The following PTBP3 variants were observed in gnomAD, a reference collection of about 807,000 sequenced individuals.
PTBP3 encodes polypyrimidine tract-binding protein 3.
Under a neutral mutation model 58.7 loss-of-function variants are expected in PTBP3, and 20 were observed. The ratio of observed to expected loss-of-function variants is 0.34; its 90% confidence interval spans 0.24 to 0.50. PTBP3 has a LOEUF of 0.50. Ranked by LOEUF, PTBP3 falls within the 20% of genes least tolerant of loss-of-function variation. PTBP3 has a pLI of 0.98. For missense variants in PTBP3, 509 were observed against 637.2 expected, an observed-to-expected ratio of 0.80 and a Z score of 2.17; for synonymous variants, 185 against 219.8, an observed-to-expected ratio of 0.84 and a Z score of 1.40.
chr9:112,254,015 A>G (rs935166866), intron 5 of PTBP3, among the ~76,000 whole-genome samples: 1 of 152,204 alleles, frequency 6.6e-6, no homozygotes, highest in Non-Finnish European at 1.5e-5. Flanking sequence ...AGTATTCCCT[A>G]TGCTGGTAAG....
intron 1 of PTBP3, among the ~76,000 whole-genome samples, chr9:112,312,270 G>A (rs1006729470): frequency 2.0e-5 from 3 of 151,916 alleles, no homozygotes; most frequent in African/African-American, 7.3e-5. Context: ...ATCACTTAAG[G>A]CCACGAGTTC....
chr9:112,268,607 A>AG (rs1451056876), intron 3 of PTBP3, among the ~76,000 whole-genome samples: 2 of 134,966 alleles, frequency 1.5e-5, no homozygotes, highest in Non-Finnish European at 3.1e-5. Flanking sequence ...GGGGTGAGGG[A>AG]GGGGCTGAGT....
the PTBP3 span, among the ~76,000 whole-genome samples, chr9:112,355,942 T>TTTTCTTTCTTTTC: frequency 3.3e-5 from 5 of 151,600 alleles, no homozygotes; most frequent in East Asian, 1.9e-4. Flanking sequence ...CTTTCTTTTC[T>TTTTCTTTCTTTTC]TTTCTTTCTT....
chr9:112,256,365 TCTC>T (rs1274879543), intron 5 of PTBP3, among the ~76,000 whole-genome samples: 2 of 150,650 alleles, frequency 1.3e-5, no homozygotes, highest in South Asian at 4.2e-4. Context: ...TATATAACTG[TCTC>T]CTTTCATTAG....
At chr9:112,378,864 A>C in the PTBP3 span, among the ~76,000 whole-genome samples, 1 of 152,162 alleles carries the variant, frequency 6.6e-6, no homozygotes, top group Non-Finnish European at 1.5e-5. Flanking sequence ...GATATGCAGG[A>C]GGAAATAGAG....
chr9:112,274,219 T>C (rs891144731), intron 3 of PTBP3, among the ~76,000 whole-genome samples: 12 of 152,190 alleles, frequency 7.9e-5, no homozygotes, highest in African/African-American at 2.2e-4. Flanking sequence ...TAAGAGGATA[T>C]TAAATAAGTG....
At chr9:112,345,075 G>A in the PTBP3 span, among the ~76,000 whole-genome samples, 2 of 152,088 alleles carry the variant, frequency 1.3e-5, no homozygotes, top group Non-Finnish European at 2.9e-5. Flanking sequence ...GGAGGTTGCG[G>A]TGAGCCGAGA....
At chr9:112,340,157 A>C in the PTBP3 span, among the ~76,000 whole-genome samples, 2 of 151,956 alleles carry the variant, frequency 1.3e-5, no homozygotes, top group African/African-American at 4.8e-5. Flanking sequence ...TGTTCTTAGC[A>C]ACCAGAACAA....
the PTBP3 span, among the ~76,000 whole-genome samples, chr9:112,379,464 G>A: frequency 6.6e-6 from 1 of 151,254 alleles, no homozygotes; most frequent in Non-Finnish European, 1.5e-5. Flanking sequence ...TTCAGCTTTT[G>A]ACTATGAATT....
chr9:112,235,020 C>T, intron 7 of PTBP3, 123 bp from the exon 8 acceptor site: 1 of 759,248 alleles, frequency 1.3e-6, no homozygotes, highest in Non-Finnish European at 2.1e-6. Flanking sequence ...GAGTAAAGAT[C>T]TGTTCAACAA....
chr9:112,336,995 T>C (rs1031318079), upstream of PTBP3, among the ~76,000 whole-genome samples: 1 of 152,228 alleles, frequency 6.6e-6, no homozygotes, highest in Non-Finnish European at 1.5e-5. Flanking sequence ...CTCTTTCCCC[T>C]GCCCCTTGGT....
In PTBP3 at chr9:112,223,228, T is replaced by A. The variant is rs1416979685; in HGVS notation, c.*623A>T. The A allele has an allele frequency of 2.1e-6, 2 of 939,588 alleles. No homozygotes were observed. The highest frequency in any genetic ancestry group is 2.5e-6 in the Non-Finnish European group (2 of 788,058). The allele number at this position is 939,588 out of a possible 1,614,324, so 58.2% of individuals were successfully genotyped here. On this transcript the variant is annotated 3_prime_UTR_variant, in exon 14 of 14. Transcript: ENST00000374257. ...TAAAAAGTTAAAGATAGGCATTATTTAAAGGAGTGTCTTACAGTGAAAAAA... is the reference window on the plus strand; with the variant it reads ...TAAAAAGTTAAAGATAGGCATTATTAAAAGGAGTGTCTTACAGTGAAAAAA...
the PTBP3 span, among the ~76,000 whole-genome samples, chr9:112,361,822 T>G: frequency 1.3e-5 from 2 of 152,212 alleles, no homozygotes; most frequent in African/African-American, 2.4e-5. Context: ...GCCAAACTGT[T>G]TTTCAAAGCT....
intron 2 of PTBP3, among the ~76,000 whole-genome samples, chr9:112,284,600 G>T (rs1383386772): frequency 6.6e-6 from 1 of 152,230 alleles, no homozygotes; most frequent in Non-Finnish European, 1.5e-5. Flanking sequence ...GGAGGCTGAG[G>T]TGGGAGAATC....
At chr9:112,315,732 C>A (rs1390090211) in intron 1 of PTBP3, among the ~76,000 whole-genome samples, 1 of 152,188 alleles carries the variant, frequency 6.6e-6, no homozygotes, top group Non-Finnish European at 1.5e-5. Context: ...CTGATGAATT[C>A]TATCAAAGAG....
At chr9:112,366,281 C>CAA in the PTBP3 span, among the ~76,000 whole-genome samples, 591 of 147,626 alleles carry the variant, frequency 4.0e-3, no homozygotes, top group Middle Eastern at 0.01. Flanking sequence ...GACTCTGTCT[C>CAA]AAAAAAAAAA....
intron 2 of PTBP3, among the ~76,000 whole-genome samples, chr9:112,297,380 T>C (rs569054906): frequency 9.2e-5 from 14 of 152,296 alleles, no homozygotes; most frequent in African/African-American, 3.1e-4. Flanking sequence ...AATTTTTGTA[T>C]TTTTAGTAGA....
intron 3 of PTBP3, 132 bp downstream of exon 3, chr9:112,275,712 C>G (rs1827581507): frequency 1.2e-6 from 1 of 804,104 alleles, no homozygotes; most frequent in African/African-American, 1.8e-5. Flanking sequence ...CCAAAAAAAT[C>G]TACTTTTAAA....
chr9:112,275,537 C>A (rs900443130), intron 3 of PTBP3, among the ~76,000 whole-genome samples: 1 of 151,994 alleles, frequency 6.6e-6, no homozygotes, highest in African/African-American at 2.4e-5. Flanking sequence ...CTGCTAATCA[C>A]AGGACATTTG....
Sources: gnomAD v4.1 joint callset for allele counts (sites outside exome capture counted in the v4.1 genomes callset) on GRCh38, gnomAD v4.1.1 for gene constraint, MANE v1.5 for transcripts, NCBI Gene and HGNC (gene_info 2026-07-23, HGNC 2026-07-21) for gene names.